The following CRPPA variants were observed in gnomAD, a reference collection of about 807,000 sequenced individuals.
The protein encoded by CRPPA is D-ribitol-5-phosphate cytidylyltransferase.
CRPPA carries 43 observed loss-of-function variants against 52.0 expected under a neutral mutation model. The ratio of observed to expected loss-of-function variants is 0.83; its 90% CI spans 0.65 to 1.07. The LOEUF is 1.07. Among genes scored for constraint, CRPPA ranks in the 50% least tolerant of loss-of-function variants. The pLI, the probability that CRPPA is intolerant of heterozygous loss-of-function variation, is 0.00. For missense variants in CRPPA, 629 were observed against 551.7 expected (o/e 1.14, Z -1.40); for synonymous variants, 250 against 203.5 (o/e 1.23, Z -1.94).
chr7:16,282,948 T>C (rs2128418745), intron 5 of CRPPA, among the ~76,000 whole-genome samples: 1 of 152,162 alleles, frequency 6.6e-6, no homozygotes. Context: ...ACATACAAAA[T>C]CATCATCAAT....
At chr7:16,281,998 C>T (rs534251038) in intron 5 of CRPPA, among the ~76,000 whole-genome samples, 42 of 152,078 alleles carry the variant, frequency 2.8e-4, no homozygotes, top group African/African-American at 4.3e-4. Flanking sequence ...TACTGTCATC[C>T]GAGGAAATCA....
chr7:16,116,009 G>C (rs910038327), intron 9 of CRPPA, among the ~76,000 whole-genome samples: 1 of 152,034 alleles, frequency 6.6e-6, no homozygotes. Context: ...ACTATATAAA[G>C]GTTTCCAACA....
chr7:16,135,329 T>G (rs1172264271), intron 9 of CRPPA, among the ~76,000 whole-genome samples: 5 of 152,158 alleles, frequency 3.3e-5, no homozygotes, highest in African/African-American at 1.2e-4. Flanking sequence ...CCTTGGATGT[T>G]TTGTGGTTAG....
intron 9 of CRPPA, among the ~76,000 whole-genome samples, chr7:16,207,799 A>G (rs1782007609): frequency 2.0e-5 from 3 of 152,232 alleles, no homozygotes; most frequent in Non-Finnish European, 4.4e-5. Flanking sequence ...TTTCATTGAT[A>G]TAAGTAATAG....
chr7:16,303,491 A>AAAAAAAAAAAAAAAAAAAAAAAAAAAAAC (rs766268683), intron 4 of CRPPA, among the ~76,000 whole-genome samples: 6 of 124,936 alleles, frequency 4.8e-5, no homozygotes, highest in African/African-American at 7.8e-5. Context: ...AAAAAAAAAA[A>AAAAAAAAAAAAAAAAAAAAAAAAAAAAAC]AAAAAAAAAA....
intron 8 of CRPPA, among the ~76,000 whole-genome samples, chr7:16,234,530 T>C (rs1782888638): frequency 2.0e-5 from 3 of 152,120 alleles, no homozygotes; most frequent in Admixed American, 1.3e-4. Flanking sequence ...AGTTTAAACT[T>C]ATATACTGTA....
intron 4 of CRPPA, among the ~76,000 whole-genome samples, chr7:16,304,844 T>C (rs920507625): frequency 6.6e-6 from 1 of 152,180 alleles, no homozygotes; most frequent in Non-Finnish European, 1.5e-5. Flanking sequence ...AGGATCTTCC[T>C]TCGCCTTACA....
chr7:16,229,755 T>C (rs1782742435), intron 8 of CRPPA, among the ~76,000 whole-genome samples: 1 of 152,146 alleles, frequency 6.6e-6, no homozygotes, highest in African/African-American at 2.4e-5. Flanking sequence ...GTTTTCATAT[T>C]ATTCATTAGT....
At chr7:16,107,185 C>T (rs925573768) in intron 9 of CRPPA, among the ~76,000 whole-genome samples, 1 of 151,094 alleles carries the variant, frequency 6.6e-6, no homozygotes, top group Non-Finnish European at 1.5e-5. Flanking sequence ...AGCAGAAGGG[C>T]CAAAAAAAAA....
chr7:16,274,471 T>C (rs1421960491), intron 6 of CRPPA, among the ~76,000 whole-genome samples: 1 of 152,112 alleles, frequency 6.6e-6, no homozygotes, highest in Admixed American at 6.6e-5. Context: ...CGATATCTCC[T>C]TTCAAGGTGA....
At chr7:16,319,967 G>C (rs1368672290) in intron 3 of CRPPA, among the ~76,000 whole-genome samples, 1 of 152,146 alleles carries the variant, frequency 6.6e-6, no homozygotes, top group African/African-American at 2.4e-5. Flanking sequence ...TGGACTTTGA[G>C]AATTCTACAG....
At chr7:16,225,962 G>A (rs1782638965) in intron 8 of CRPPA, among the ~76,000 whole-genome samples, 1 of 150,704 alleles carries the variant, frequency 6.6e-6, no homozygotes, top group Non-Finnish European at 1.5e-5. Flanking sequence ...AGAATACACA[G>A]AAAAAAAAAT....
intron 6 of CRPPA, among the ~76,000 whole-genome samples, chr7:16,261,456 A>G (rs1783797181): frequency 6.6e-6 from 1 of 152,046 alleles, no homozygotes; most frequent in Non-Finnish European, 1.5e-5. Context: ...TTCTTATTCT[A>G]TTTTGTGGCC....
intron 1 of CRPPA, among the ~76,000 whole-genome samples, chr7:16,413,153 T>C (rs1788110557): frequency 1.3e-5 from 2 of 152,314 alleles, no homozygotes; most frequent in East Asian, 3.9e-4. Flanking sequence ...TAGATTTCTA[T>C]TTCTCCATAC....
intron 3 of CRPPA, among the ~76,000 whole-genome samples, chr7:16,335,154 CAAAAAAAA>C (rs60632334): frequency 6.7e-4 from 63 of 93,790 alleles, no homozygotes; most frequent in East Asian, 2.3e-3. Flanking sequence ...CCCATCTCTA[CAAAAAAAA>C]AAAAAAAAAA....
intron 3 of CRPPA, among the ~76,000 whole-genome samples, chr7:16,358,027 C>T (rs1356670378): frequency 1.3e-5 from 2 of 152,196 alleles, no homozygotes; most frequent in African/African-American, 4.8e-5. Flanking sequence ...AAGTATACTG[C>T]TGGGGTACCA....
chr7:16,320,742 C>T (rs1024223798), intron 3 of CRPPA, among the ~76,000 whole-genome samples: 3 of 152,148 alleles, frequency 2.0e-5, no homozygotes, highest in Admixed American at 6.6e-5. Context: ...TCCGATTTAT[C>T]ACCTAAAACT....
In CRPPA at chr7:16,118,130, C is replaced by T. The variant is rs78144688; in HGVS notation, c.1252-26331G>A. 5.6e-4 allele frequency among the ~76,000 whole-genome samples: 86 copies of T among 152,272 alleles called. 2 individuals carry two copies. The East Asian group carries it at 9.5e-3, about 17-fold the overall frequency. Reference sequence around the variant, plus strand: ...CATTCATTAAGTACTTACAAGGTCTCGGCTCCATGCCAACCACTGTTCTAT... The same window carrying T: ...CATTCATTAAGTACTTACAAGGTCTTGGCTCCATGCCAACCACTGTTCTAT... On this transcript the variant is annotated intron_variant, in intron 9 of 9. Transcript: ENST00000407010.
chr7:16,287,507 T>C (rs578114605), intron 5 of CRPPA, among the ~76,000 whole-genome samples: 2 of 152,320 alleles, frequency 1.3e-5, no homozygotes, highest in South Asian at 2.1e-4. Flanking sequence ...AAAATTAGCA[T>C]GTTGGAATCC....
Sources: allele counts gnomAD v4.1 joint callset (sites outside exome capture counted in the v4.1 genomes callset), GRCh38; gene constraint gnomAD v4.1.1; transcripts MANE v1.5; gene names NCBI Gene and HGNC (gene_info 2026-07-23, HGNC 2026-07-21).